PEX5L: variants seen among roughly 807,000 people sequenced by gnomAD.
PEX5L encodes the protein peroxisomal biogenesis factor 5 like.
A neutral mutation model predicts 84.0 loss-of-function variants in PEX5L; 30 were observed. The ratio of observed to expected loss-of-function variants is 0.36; its 90% confidence interval spans 0.27 to 0.48. The LOEUF (loss-of-function observed/expected upper bound fraction) is 0.48, where lower values mean the gene tolerates loss of function less well. Among genes scored for constraint, PEX5L ranks in the 20% least tolerant of loss-of-function variants. The pLI is 0.99. For missense variants in PEX5L, 533 were observed against 754.6 expected, an observed-to-expected ratio of 0.71 and a Z score of 3.44; for synonymous variants, 270 against 283.1, an observed-to-expected ratio of 0.95 and a Z score of 0.46.
At chr3:179,889,963 T>C (rs1474955010) in intron 3 of PEX5L, among the ~76,000 whole-genome samples, 3 of 152,152 alleles carry the variant, frequency 2.0e-5, no homozygotes, top group Non-Finnish European at 4.4e-5. Context: ...AATGATGAAA[T>C]AGCTAAACAT....
chr3:179,952,783 C>T (rs1246026052), intron 2 of PEX5L, among the ~76,000 whole-genome samples: 10 of 152,160 alleles, frequency 6.6e-5, no homozygotes, highest in African/African-American at 2.4e-4. Flanking sequence ...AAAAAGAGCC[C>T]GTATAGCCAA....
intron 2 of PEX5L, among the ~76,000 whole-genome samples, chr3:179,944,033 C>T (rs1467588945): frequency 6.7e-6 from 1 of 148,282 alleles, no homozygotes; most frequent in Admixed American, 6.8e-5. Context: ...AGTTTATAAA[C>T]TTATATTCCA....
intron 2 of PEX5L, among the ~76,000 whole-genome samples, chr3:179,941,743 C>T (rs1232357803): frequency 2.6e-5 from 4 of 152,102 alleles, no homozygotes; most frequent in Admixed American, 6.6e-5. Context: ...GATTATTTGG[C>T]CAGGCCCAGT....
At chr3:179,971,193 T>TCTC (rs374504805) in intron 2 of PEX5L, among the ~76,000 whole-genome samples, 46 of 151,700 alleles carry the variant, frequency 3.0e-4, no homozygotes, top group African/African-American at 8.5e-4. Context: ...TTTTCTCTCT[T>TCTC]TCTCTCTCTC....
intron 1 of PEX5L, among the ~76,000 whole-genome samples, chr3:179,976,334 A>T (rs748020784): frequency 4.6e-5 from 7 of 152,232 alleles, no homozygotes; most frequent in African/African-American, 1.2e-4. Flanking sequence ...GAAGTGGTGA[A>T]GATGGAAGCC....
intron 1 of PEX5L, among the ~76,000 whole-genome samples, chr3:179,981,192 G>A (rs969804063): frequency 6.6e-6 from 1 of 152,112 alleles, no homozygotes; most frequent in Non-Finnish European, 1.5e-5. Flanking sequence ...CAGGGTTGTG[G>A]GGGTTGATCC....
chr3:179,879,833 T>A (rs1753624423), intron 5 of PEX5L, 96 bp downstream of exon 5: 1 of 844,878 alleles, frequency 1.2e-6, no homozygotes, highest in Admixed American at 2.7e-5. Flanking sequence ...TTTCTACTCC[T>A]TTGTTCTCTG....
intron 1 of PEX5L, among the ~76,000 whole-genome samples, chr3:179,983,562 A>G (rs1786532584): frequency 6.6e-6 from 1 of 152,038 alleles, no homozygotes; most frequent in Non-Finnish European, 1.5e-5. Flanking sequence ...GCATGAATCA[A>G]GATACTGGCA....
chr3:179,965,449 C>T (rs35824340), intron 2 of PEX5L, among the ~76,000 whole-genome samples: 49,830 of 152,088 alleles, frequency 0.33, 10,138 homozygotes, highest in East Asian at 0.76. Context: ...ACTCAGAGAA[C>T]TTAAACTGCT....
intron 8 of PEX5L, among the ~76,000 whole-genome samples, chr3:179,842,351 C>T (rs1374215271): frequency 6.6e-6 from 1 of 152,024 alleles, no homozygotes; most frequent in African/African-American, 2.4e-5. Flanking sequence ...GGGTTCACAT[C>T]GAATGGTCAT....
intron 2 of PEX5L, among the ~76,000 whole-genome samples, chr3:179,938,241 A>T (rs537499756): frequency 1.3e-5 from 2 of 152,320 alleles, no homozygotes; most frequent in South Asian, 4.1e-4. Context: ...TCTTCCTTTC[A>T]TCTATTAAAA....
intron 2 of PEX5L, among the ~76,000 whole-genome samples, chr3:179,960,884 G>C (rs1056584279): frequency 2.0e-5 from 3 of 152,286 alleles, no homozygotes; most frequent in Admixed American, 6.5e-5. Context: ...GAGAGAAGCT[G>C]AGAATGCAGG....
intron 2 of PEX5L, among the ~76,000 whole-genome samples, chr3:179,913,936 T>G (rs1766084375): frequency 6.6e-6 from 1 of 152,212 alleles, no homozygotes; most frequent in Non-Finnish European, 1.5e-5. Flanking sequence ...CTCTTTCTCC[T>G]TTTCTAAAAT....
At chr3:179,954,222 T>G (rs978218176) in intron 2 of PEX5L, among the ~76,000 whole-genome samples, 4 of 145,914 alleles carry the variant, frequency 2.7e-5, no homozygotes, top group African/African-American at 1.1e-4. Context: ...GGGGAAAAAG[T>G]CAGCCATGAG....
chr3:179,820,177 C>T, intron 8 of PEX5L: 1 of 630,062 alleles, frequency 1.6e-6, no homozygotes, highest in Non-Finnish European at 2.7e-6. Context: ...GTGGTTTTCT[C>T]CAGCAGGAAA....
intron 3 of PEX5L, among the ~76,000 whole-genome samples, chr3:179,894,575 G>A (rs1758614437): frequency 6.6e-6 from 1 of 152,022 alleles, no homozygotes; most frequent in Non-Finnish European, 1.5e-5. Flanking sequence ...AATAAATTAA[G>A]GCAGGCAGGA....
intron 1 of PEX5L, among the ~76,000 whole-genome samples, chr3:179,985,669 T>C (rs1012199838): frequency 1.3e-5 from 2 of 151,988 alleles, no homozygotes; most frequent in Non-Finnish European, 2.9e-5. Context: ...AACCCCCTTT[T>C]CCCCTTATTT....
At chr3:179,852,097 C>T (rs1742125486) in intron 8 of PEX5L, among the ~76,000 whole-genome samples, 1 of 152,162 alleles carries the variant, frequency 6.6e-6, no homozygotes, top group African/African-American at 2.4e-5. Flanking sequence ...CACGCGTTTA[C>T]TATGTCACAC....
chr3:179,865,756 C>T (rs950353381), intron 7 of PEX5L, among the ~76,000 whole-genome samples: 6 of 152,148 alleles, frequency 3.9e-5, no homozygotes, highest in Non-Finnish European at 7.4e-5. Flanking sequence ...TAGGCCCCAC[C>T]TCCGGGGACT....
Sources: gnomAD v4.1 joint callset for allele counts (sites outside exome capture counted in the v4.1 genomes callset) on GRCh38, gnomAD v4.1.1 for gene constraint, MANE v1.5 for transcripts, NCBI Gene and HGNC (gene_info 2026-07-23, HGNC 2026-07-21) for gene names.